The following CDH13 variants were observed in gnomAD, a reference collection of about 807,000 sequenced individuals.
CDH13 encodes the protein cadherin 13.
In CDH13, 24 loss-of-function variants were observed where a neutral mutation model predicts 63.8. That is an observed-to-expected ratio of 0.38 (90% CI 0.27 to 0.53). CDH13 has a LOEUF of 0.53. Among genes scored for constraint, CDH13 ranks in the 20% least tolerant of loss-of-function variants. The pLI, the probability that CDH13 is intolerant of heterozygous loss-of-function variation, is 0.85. For missense variants in CDH13, 1,049 were observed against 903.1 expected (o/e 1.16, Z -2.07); for synonymous variants, 503 against 355.3 (o/e 1.42, Z -4.67).
intron 3 of CDH13, among the ~76,000 whole-genome samples, chr16:83,074,432 A>G (rs951712742): frequency 6.6e-6 from 1 of 152,176 alleles, no homozygotes; most frequent in African/African-American, 2.4e-5. Flanking sequence ...TATCTTTGCT[A>G]TCGTAGATAG....
chr16:82,693,471 A>T (rs2029883847), intron 1 of CDH13, among the ~76,000 whole-genome samples: 1 of 152,134 alleles, frequency 6.6e-6, no homozygotes, highest in South Asian at 2.1e-4. Flanking sequence ...TGCGACCTAA[A>T]CATTTAGGTC....
chr16:82,946,787 T>C (rs1904771436), intron 2 of CDH13, among the ~76,000 whole-genome samples: 1 of 152,178 alleles, frequency 6.6e-6, no homozygotes, highest in Non-Finnish European at 1.5e-5. Context: ...CATATCTGAT[T>C]TATGGTTCAC....
intron 10 of CDH13, among the ~76,000 whole-genome samples, chr16:83,683,682 G>A (rs2150879332): frequency 6.6e-6 from 1 of 152,276 alleles, no homozygotes; most frequent in South Asian, 2.1e-4. Flanking sequence ...TAGTGGGTAT[G>A]CTTATAGTGA....
chr16:82,644,000 G>T (rs1909754417), intron 1 of CDH13, among the ~76,000 whole-genome samples: 1 of 152,156 alleles, frequency 6.6e-6, no homozygotes, highest in African/African-American at 2.4e-5. Flanking sequence ...TCCTCCAGGA[G>T]TAGCTGGCAT....
At chr16:83,175,792 C>A (rs1166517814) in intron 4 of CDH13, among the ~76,000 whole-genome samples, 2 of 146,698 alleles carry the variant, frequency 1.4e-5, no homozygotes, top group Non-Finnish European at 1.5e-5. Flanking sequence ...AAAATAAGAT[C>A]ATAATATACA....
At chr16:82,914,439 A>G (rs558948904) in intron 2 of CDH13, among the ~76,000 whole-genome samples, 1 of 152,304 alleles carries the variant, frequency 6.6e-6, no homozygotes, top group Admixed American at 6.5e-5. Context: ...TGACTAGTAA[A>G]TAGTGGAATA....
chr16:82,944,894 C>T (rs764613821), intron 2 of CDH13, among the ~76,000 whole-genome samples: 1 of 152,110 alleles, frequency 6.6e-6, no homozygotes, highest in African/African-American at 2.4e-5. Context: ...ATATAAATAA[C>T]ACTCAATAAA....
intron 7 of CDH13, among the ~76,000 whole-genome samples, chr16:83,561,247 G>A (rs2075702530): frequency 6.6e-6 from 1 of 151,638 alleles, no homozygotes; most frequent in South Asian, 2.1e-4. Context: ...GGGAGTTTGA[G>A]ACCAGCCTGA....
At chr16:82,703,900 G>A (rs1245579605) in intron 1 of CDH13, among the ~76,000 whole-genome samples, 2 of 152,144 alleles carry the variant, frequency 1.3e-5, no homozygotes, top group African/African-American at 2.4e-5. Context: ...AGCTTCGGGG[G>A]CTCCAGGAAT....
At chr16:83,092,825 A>G (rs4319759) in intron 3 of CDH13, among the ~76,000 whole-genome samples, 57,807 of 152,064 alleles carry the variant, frequency 0.38, 12,238 homozygotes, top group Middle Eastern at 0.58. Flanking sequence ...AATTTAGTAC[A>G]TTAATTTTTC....
At chr16:83,209,548 A>G (rs2039279591) in intron 4 of CDH13, among the ~76,000 whole-genome samples, 1 of 152,236 alleles carries the variant, frequency 6.6e-6, no homozygotes, top group African/African-American at 2.4e-5. Context: ...GGTTTGTATG[A>G]CAGACCTTAT....
intron 5 of CDH13, among the ~76,000 whole-genome samples, chr16:83,319,915 A>G (rs2090185098): frequency 2.0e-5 from 3 of 152,246 alleles, no homozygotes. Context: ...AAATGAAATG[A>G]TTAATACAGC....
At chr16:83,548,326 A>T (rs77522968) in intron 7 of CDH13, among the ~76,000 whole-genome samples, 3,414 of 152,260 alleles carry the variant, frequency 0.022, 147 homozygotes, top group African/African-American at 0.078. Flanking sequence ...GGTTGTTGCA[A>T]CTGGCTGGGA....
chr16:83,500,727 A>G lies in CDH13; in HGVS notation c.960+14072A>G, dbSNP rs372386862. 1.7e-4 allele frequency among the ~76,000 whole-genome samples: 26 copies of G among 149,304 alleles called. 1 individual carries two copies. In the East Asian group the frequency reaches 1.8e-3, roughly 10 times the overall value. On this transcript the variant is annotated intron_variant, in intron 7 of 13. Coordinates refer to ENST00000567109, the MANE Select transcript of CDH13 (RefSeq NM_001257.5). ...AGCTGGGATTACAGGAAAGGCACCC[A>G]CCATCTTGCCCGGCTAATTTTTGTT...
At chr16:83,137,541 C>T (rs958644205) in intron 4 of CDH13, among the ~76,000 whole-genome samples, 1 of 152,222 alleles carries the variant, frequency 6.6e-6, no homozygotes, top group Non-Finnish European at 1.5e-5. Context: ...GCAAGAAAAG[C>T]CACTGCCTCG....
chr16:83,454,777 G>C (rs371786412), intron 6 of CDH13, among the ~76,000 whole-genome samples: 6 of 151,966 alleles, frequency 3.9e-5, no homozygotes, highest in African/African-American at 1.5e-4. Context: ...CATGATCTCA[G>C]CTCACTGCAA....
chr16:83,445,821 C>G (rs1482074370), intron 6 of CDH13, among the ~76,000 whole-genome samples: 1 of 152,038 alleles, frequency 6.6e-6, no homozygotes, highest in East Asian at 1.9e-4. Context: ...CTCGGAGTTC[C>G]CAGTCTTCCT....
intron 2 of CDH13, among the ~76,000 whole-genome samples, chr16:82,861,046 C>T (rs149426259): frequency 6.6e-6 from 1 of 152,164 alleles, no homozygotes. Context: ...ATTGAAGACT[C>T]TACTGGCACA....
chr16:83,110,145 C>G (rs889463443), intron 3 of CDH13, among the ~76,000 whole-genome samples: 1 of 152,188 alleles, frequency 6.6e-6, no homozygotes, highest in African/African-American at 2.4e-5. Context: ...TGGATTAAGT[C>G]TCACTAGTAG....
Sources: gnomAD v4.1 joint callset for allele counts (sites outside exome capture counted in the v4.1 genomes callset) on GRCh38, gnomAD v4.1.1 for gene constraint, MANE v1.5 for transcripts, NCBI Gene and HGNC (gene_info 2026-07-23, HGNC 2026-07-21) for gene names.